CSF2RA: variants seen among roughly 807,000 people sequenced by gnomAD.
The protein encoded by CSF2RA is colony stimulating factor 2 receptor subunit alpha.
Under a neutral mutation model 51.6 loss-of-function variants are expected in CSF2RA, and 42 were observed. The observed-to-expected ratio is 0.81, with a 90% CI of 0.64 to 1.05. The LOEUF (loss-of-function observed/expected upper bound fraction) is 1.05. Among genes scored for constraint, CSF2RA ranks in the 50% least tolerant of loss-of-function variants. The probability of loss-of-function intolerance (pLI) is 0.00; values close to 1 mark genes in which losing one functional copy is unlikely to be tolerated. For missense variants in CSF2RA, 530 were observed against 501.1 expected, an observed-to-expected ratio of 1.06 and a Z score of -0.55; for synonymous variants, 222 against 193.0, an observed-to-expected ratio of 1.15 and a Z score of -1.24.
intron 10 of CSF2RA, 66 bp downstream of exon 10, chrX:1,300,692 G>T (rs1321161550): frequency 6.2e-7 from 1 of 1,605,248 alleles, no homozygotes; most frequent in African/African-American, 1.3e-5. Flanking sequence ...AGGCACAGAG[G>T]TCAGGTGCTC....
At chrX:1,284,250 C>T (rs1471026698) in intron 3 of CSF2RA, among the ~76,000 whole-genome samples, 1 of 135,364 alleles carries the variant, frequency 7.4e-6, no homozygotes, top group Non-Finnish European at 1.5e-5. Flanking sequence ...GTCTCCCAGG[C>T]TGGAGTGCAG....
chrX:1,284,031 G>A (rs2090350252), intron 3 of CSF2RA, among the ~76,000 whole-genome samples: 1 of 150,496 alleles, frequency 6.6e-6, no homozygotes, highest in Non-Finnish European at 1.5e-5. Flanking sequence ...GTTCAGGGAA[G>A]ACAGACAAAG....
the CSF2RA span, among the ~76,000 whole-genome samples, chrX:1,322,012 G>C: frequency 1.3e-5 from 2 of 152,076 alleles, no homozygotes; most frequent in African/African-American, 4.8e-5. Context: ...GCTCATGCCT[G>C]TAATCCCAGA....
intron 12 of CSF2RA, chrX:1,305,944 T>A: frequency 1.5e-6 from 1 of 680,224 alleles, no homozygotes; most frequent in East Asian, 2.8e-5. Flanking sequence ...TAGCTGGGTG[T>A]GGTGGTGTAC....
At chrX:1,324,561 AAAG>A in the CSF2RA span, among the ~76,000 whole-genome samples, 1 of 150,764 alleles carries the variant, frequency 6.6e-6, no homozygotes, top group East Asian at 2.0e-4. Context: ...AAAGGAAAGA[AAAG>A]AAGGAAGGAA....
chrX:1,296,197 A>G (rs1425257476), intron 9 of CSF2RA, among the ~76,000 whole-genome samples: 3 of 147,912 alleles, frequency 2.0e-5, no homozygotes, highest in South Asian at 2.1e-4. Flanking sequence ...AACTAACCAT[A>G]CAGTTCCCTA....
chrX:1,303,114 A>T (rs1311297180), intron 10 of CSF2RA: 1 of 253,336 alleles, frequency 3.9e-6, no homozygotes, highest in African/African-American at 2.3e-5. Flanking sequence ...CTGGAGTGCA[A>T]TGGCACGATC....
At chrX:1,313,049 C>CT (rs2084253461), downstream of CSF2RA, among the ~76,000 whole-genome samples, 1 of 152,114 alleles carries the variant, frequency 6.6e-6, no homozygotes, top group Non-Finnish European at 1.5e-5. Flanking sequence ...CCCAAGGGAG[C>CT]ACCACATTCC....
intron 9 of CSF2RA, among the ~76,000 whole-genome samples, chrX:1,297,042 A>T (rs2092009504): frequency 1.6e-5 from 1 of 61,946 alleles, no homozygotes; most frequent in Non-Finnish European, 3.0e-5. Flanking sequence ...GGAACCCTAC[A>T]GTCCCCTACT....
intron 11 of CSF2RA, 63 bp downstream of exon 11, chrX:1,304,082 T>G: frequency 7.5e-7 from 1 of 1,340,830 alleles, no homozygotes; most frequent in Non-Finnish European, 1.1e-6. Context: ...GAAAGCGCTT[T>G]GTCCAGTCTC....
intron 10 of CSF2RA, among the ~76,000 whole-genome samples, chrX:1,301,331 C>CAGAA (rs2092355742): frequency 1.6e-5 from 1 of 62,690 alleles, no homozygotes; most frequent in Non-Finnish European, 2.8e-5. Context: ...GACTCTGTCT[C>CAGAA]AAAAAAAAAA....
intron 4 of CSF2RA, among the ~76,000 whole-genome samples, chrX:1,288,070 A>G (rs1569500688): frequency 6.6e-6 from 1 of 151,596 alleles, no homozygotes; most frequent in African/African-American, 2.4e-5. Context: ...GCTAGAGTAT[A>G]AGATTGAGTT....
intron 9 of CSF2RA, among the ~76,000 whole-genome samples, chrX:1,298,598 CTA>C (rs2092146698): frequency 1.8e-5 from 1 of 56,468 alleles, no homozygotes; most frequent in African/African-American, 6.7e-5. Flanking sequence ...TGGTGGAACC[CTA>C]CAGTCCCCTA....
At chrX:1,323,146 ATACAT>A in the CSF2RA span, among the ~76,000 whole-genome samples, 11 of 146,848 alleles carry the variant, frequency 7.5e-5, no homozygotes, top group African/African-American at 3.0e-4. Context: ...ATACAATACA[ATACAT>A]TACAATTATA....
chrX:1,314,982 T>TGTGCCTGCCCAAG (rs1569515181), downstream of CSF2RA, among the ~76,000 whole-genome samples: 1 of 37,610 alleles, frequency 2.7e-5, no homozygotes, highest in Admixed American at 2.2e-4. Flanking sequence ...GCCTGCCCAA[T>TGTGCCTGCCCAAG]CGCACTGCAC....
the CSF2RA span, among the ~76,000 whole-genome samples, chrX:1,324,320 C>A: frequency 2.9e-5 from 4 of 138,664 alleles, no homozygotes; most frequent in Non-Finnish European, 4.5e-5. Flanking sequence ...ATAGCAAGAT[C>A]CTGTCTCTAA....
chrX:1,315,768 A>G, the CSF2RA span, among the ~76,000 whole-genome samples: 1 of 124,094 alleles, frequency 8.1e-6, no homozygotes, highest in Non-Finnish European at 1.7e-5. Flanking sequence ...GATAAAATAG[A>G]TAATAGATAG....
At chrX:1,323,317 C>CCT in the CSF2RA span, among the ~76,000 whole-genome samples, 2 of 150,494 alleles carry the variant, frequency 1.3e-5, no homozygotes, top group South Asian at 4.2e-4. Flanking sequence ...AGTTCAAGAC[C>CCT]GGCCTGGCCA....
intron 6 of CSF2RA, 73 bp from the exon 7 acceptor site, chrX:1,290,264 T>G: frequency 3.2e-6 from 4 of 1,245,266 alleles, no homozygotes; most frequent in Non-Finnish European, 4.7e-6. Flanking sequence ...TGTGTTTGTT[T>G]TTGTTTTGTT....
Sources: allele counts gnomAD v4.1 joint callset (sites outside exome capture counted in the v4.1 genomes callset), GRCh38; gene constraint gnomAD v4.1.1; transcripts MANE v1.5; gene names NCBI Gene and HGNC (gene_info 2026-07-23, HGNC 2026-07-21).